The following B3GALT1 variants were observed in gnomAD, a reference collection of about 807,000 sequenced individuals.
B3GALT1 encodes the protein UDP-Gal:betaGlcNAc beta 1,3-galactosyltransferase, polypeptide 1.
Under a neutral mutation model 23.2 loss-of-function variants are expected in B3GALT1, and 10 were observed. The ratio of observed to expected loss-of-function variants is 0.43; its 90% CI spans 0.27 to 0.73. The LOEUF (loss-of-function observed/expected upper bound fraction) is 0.73, where lower values mean the gene tolerates loss of function less well. B3GALT1 is among the 30% of genes least tolerant of loss of function. The probability of loss-of-function intolerance (pLI) is 0.21; values close to 1 mark genes in which losing one functional copy is unlikely to be tolerated. For missense variants in B3GALT1, 299 were observed against 405.4 expected (o/e 0.74, Z 2.25); for synonymous variants, 156 against 141.5 (o/e 1.10, Z -0.73).
At chr2:167,305,529 G>A (rs192262499) in intron 1 of B3GALT1, among the ~76,000 whole-genome samples, 2 of 152,236 alleles carry the variant, frequency 1.3e-5, no homozygotes, top group African/African-American at 4.8e-5. Flanking sequence ...AAATGTATGT[G>A]TGCTTGTTCA....
chr2:167,458,821 T>C lies in B3GALT1; in HGVS notation c.-510-31356T>C, dbSNP rs111905518. ...CAGATTTTTTTGTTGTTGTTGATTGTTAGTATATAGAAATGCAACTAAGTT... is the reference window on the plus strand; with the variant it reads ...CAGATTTTTTTGTTGTTGTTGATTGCTAGTATATAGAAATGCAACTAAGTT... On this transcript the variant is annotated intron_variant, in intron 1 of 4. Transcript: ENST00000392690. Among the ~76,000 whole-genome samples, 388 of 152,310 alleles carry C rather than the reference T, an allele frequency of 2.5e-3. 1 individual carries two copies. The highest frequency in any genetic ancestry group is 9.2e-3 in the African/African-American group (384 of 41,580).
rs114145090 is a variant in B3GALT1 at position 167,295,995 on chromosome 2, A to G, written c.-511+2661A>G. 2.7e-3 allele frequency among the ~76,000 whole-genome samples: 417 copies of G among 152,326 alleles called. 1 individual carries two copies. Among genetic ancestry groups the G allele is most frequent in the African/African-American group, 9.0e-3 (373 of 41,574 alleles). ...CACAGGCTTTAGGGAGCTAATGGGT[A>G]GTGCCAGCCACTTAATTTATACAAG... On this transcript the variant is annotated intron_variant, in intron 1 of 4. Transcript: ENST00000392690.
intron 2 of B3GALT1, among the ~76,000 whole-genome samples, chr2:167,565,301 C>T (rs1232045712): frequency 6.6e-6 from 1 of 152,134 alleles, no homozygotes; most frequent in Non-Finnish European, 1.5e-5. Context: ...ACTGGCTAGC[C>T]ATATGTAGAA....
At chr2:167,372,563 CAT>C (rs752353692) in intron 1 of B3GALT1, among the ~76,000 whole-genome samples, 10 of 151,922 alleles carry the variant, frequency 6.6e-5, no homozygotes, top group Non-Finnish European at 1.3e-4. Context: ...AGAATAAAAA[CAT>C]AATTGTTTAT....
intron 1 of B3GALT1, among the ~76,000 whole-genome samples, chr2:167,334,938 A>G (rs1559068517): frequency 1.3e-5 from 2 of 152,074 alleles, no homozygotes; most frequent in African/African-American, 2.4e-5. Flanking sequence ...TTTCTTTAGT[A>G]TTTGTCCAGA....
intron 2 of B3GALT1, among the ~76,000 whole-genome samples, chr2:167,547,582 T>C (rs1467672173): frequency 6.6e-6 from 1 of 150,898 alleles, no homozygotes; most frequent in Non-Finnish European, 1.5e-5. Context: ...TAATCCCAGC[T>C]ACTCAGGAGG....
chr2:167,525,314 A>G (rs974545377), intron 2 of B3GALT1, among the ~76,000 whole-genome samples: 1 of 152,094 alleles, frequency 6.6e-6, no homozygotes, highest in Non-Finnish European at 1.5e-5. Context: ...TCTAAATTGG[A>G]ATCATATTGT....
At chr2:167,305,637 T>C (rs570713962) in intron 1 of B3GALT1, among the ~76,000 whole-genome samples, 89 of 152,238 alleles carry the variant, frequency 5.8e-4, no homozygotes, top group African/African-American at 2.1e-3. Flanking sequence ...CTGGACCAAA[T>C]ACCTGGTTTC....
chr2:167,466,717 C>G lies in B3GALT1; in HGVS notation c.-510-23460C>G, dbSNP rs533088622. 1.3e-4 allele frequency among the ~76,000 whole-genome samples: 13 copies of G among 101,214 alleles called. 1 individual carries two copies. In the South Asian group the frequency reaches 5.2e-3, roughly 41 times the overall value. The allele number at this position is 101,214 out of a possible 152,430, so 66.4% of individuals were successfully genotyped here. A position where few individuals can be genotyped will look rare whatever the true frequency, so the allele number is the denominator to read the frequency against. On this transcript the variant is annotated intron_variant, in intron 1 of 4. Transcript: ENST00000392690. ...TTTATATAATTTTTAACTATTATCA[C>G]TCTTTTGTTTTTGGAGACAGAGTCT...
At chr2:167,746,617 C>T (rs569972687) in intron 3 of B3GALT1, among the ~76,000 whole-genome samples, 1 of 152,354 alleles carries the variant, frequency 6.6e-6, no homozygotes, top group South Asian at 2.1e-4. Flanking sequence ...TCCCACTCTT[C>T]TTAGCAATGA....
chr2:167,637,710 T>C (rs1252906239), intron 2 of B3GALT1, among the ~76,000 whole-genome samples: 1 of 152,024 alleles, frequency 6.6e-6, no homozygotes, highest in Non-Finnish European at 1.5e-5. Flanking sequence ...CTGCCTTATA[T>C]GATCAATTTT....
Position 167,668,251 on chromosome 2 carries a change from G to A in B3GALT1, c.-352+21285G>A, listed in dbSNP as rs560950236. ...TGCCCCTGCTGGAGGGTGCCTCCCA[G>A]TTAGGCTTCTCGGAGGTCAGGGGTC... is the stretch of plus-strand genomic sequence containing the variant. On this transcript the variant is annotated intron_variant, in intron 3 of 4. Transcript: ENST00000392690. 1.3e-4 allele frequency among the ~76,000 whole-genome samples: 20 copies of A among 152,190 alleles called. No individual in the cohort carries two copies. In the Middle Eastern group the frequency reaches 0.014, roughly 104 times the overall value.
At chr2:167,628,003 T>G (rs1685374887) in intron 2 of B3GALT1, among the ~76,000 whole-genome samples, 1 of 151,800 alleles carries the variant, frequency 6.6e-6, no homozygotes, top group Admixed American at 6.6e-5. Flanking sequence ...CTCAATTCTT[T>G]GATGAAGTGT....
intron 1 of B3GALT1, among the ~76,000 whole-genome samples, chr2:167,469,689 T>C (rs113108672): frequency 0.039 from 5,994 of 152,246 alleles, 367 homozygotes; most frequent in African/African-American, 0.14. Flanking sequence ...TAAACAACTT[T>C]GATAATATAC....
At chr2:167,713,836 T>TG in intron 3 of B3GALT1, 1 of 1,593,198 alleles carries the variant, frequency 6.3e-7, no homozygotes, top group Non-Finnish European at 8.6e-7. Context: ...ATGGAGCATG[T>TG]GGTGGACCTG....
At chr2:167,651,900 C>T (rs1292879773) in intron 3 of B3GALT1, among the ~76,000 whole-genome samples, 1 of 152,120 alleles carries the variant, frequency 6.6e-6, no homozygotes, top group Non-Finnish European at 1.5e-5. Context: ...GTTTGCAACT[C>T]TAACCCTGAC....
intron 1 of B3GALT1, among the ~76,000 whole-genome samples, chr2:167,478,347 C>T (rs534792648): frequency 6.6e-6 from 1 of 152,164 alleles, no homozygotes; most frequent in South Asian, 2.1e-4. Context: ...GAGAGCATGG[C>T]GATTTATTCC....
In B3GALT1 at chr2:167,563,900, C is replaced by CG. The variant is rs568391676; in HGVS notation, c.-410+73627dup. Among the ~76,000 whole-genome samples, 20 of 116,888 alleles carry CG rather than the reference C, an allele frequency of 1.7e-4. No homozygotes were observed. In the East Asian group the frequency reaches 4.4e-3, roughly 26 times the overall value. 76.7% of individuals were successfully genotyped at this position (116,888 alleles called of 152,430 possible). ...CTGCCGGACGGGGCGGCCGGCCGGGCGGGGCCGATCCCCCCACCTCCCTCC... is the reference window on the plus strand; with the variant it reads ...CTGCCGGACGGGGCGGCCGGCCGGGCGGGGGCCGATCCCCCCACCTCCCTCC... On this transcript the variant is annotated intron_variant, in intron 2 of 4. Transcript: ENST00000392690.
chr2:167,313,895 G>A (rs145604660), intron 1 of B3GALT1, among the ~76,000 whole-genome samples: 136 of 152,196 alleles, frequency 8.9e-4, no homozygotes, highest in African/African-American at 3.2e-3. Context: ...CTTGTCTCTT[G>A]ATTGCATTTA....
Sources: allele counts gnomAD v4.1 joint callset (sites outside exome capture counted in the v4.1 genomes callset), GRCh38; gene constraint gnomAD v4.1.1; transcripts MANE v1.5; gene names NCBI Gene and HGNC (gene_info 2026-07-23, HGNC 2026-07-21).